The following ANKRD36C variants were observed in gnomAD, a reference collection of about 807,000 sequenced individuals.
ANKRD36C encodes the protein ankyrin repeat domain-containing protein 36C.
Under a neutral mutation model 276.4 loss-of-function variants are expected in ANKRD36C, and 61 were observed. That is an observed-to-expected ratio of 0.22 (90% confidence interval 0.18 to 0.27). ANKRD36C has a LOEUF of 0.27. Among genes scored for constraint, ANKRD36C ranks in the 10% least tolerant of loss-of-function variants. The pLI is 1.00. For synonymous variants in ANKRD36C, 483 were observed against 680.1 expected (o/e 0.71, Z 4.51); for missense variants, 1,447 against 2,032.3 (o/e 0.71, Z 5.54).
intron 34 of ANKRD36C, among the ~76,000 whole-genome samples, chr2:95,918,671 T>G (rs958498070): frequency 2.0e-5 from 3 of 151,680 alleles, no homozygotes; most frequent in Non-Finnish European, 3.0e-5. Context: ...CACTAGTTTA[T>G]CCCTCCAAAA....
intron 46 of ANKRD36C, among the ~76,000 whole-genome samples, chr2:95,890,347 A>G (rs1365306866): frequency 6.6e-6 from 1 of 151,530 alleles, no homozygotes; most frequent in Non-Finnish European, 1.5e-5. Flanking sequence ...AGCAGGTGCT[A>G]CAGGATCCCA....
chr2:95,978,493 C>G (rs1328138454), intron 5 of ANKRD36C, among the ~76,000 whole-genome samples: 1 of 152,054 alleles, frequency 6.6e-6, no homozygotes, highest in Non-Finnish European at 1.5e-5. Context: ...GGTATTTGCT[C>G]TTAAACAAGT....
chr2:95,990,119 A>C (rs1332233237), intron 1 of ANKRD36C, among the ~76,000 whole-genome samples: 1 of 152,206 alleles, frequency 6.6e-6, no homozygotes, highest in Non-Finnish European at 1.5e-5. Flanking sequence ...CAATATAAGT[A>C]GGCATTTGTG....
chr2:95,989,217 G>A (rs954873389), intron 1 of ANKRD36C, among the ~76,000 whole-genome samples: 1 of 152,002 alleles, frequency 6.6e-6, no homozygotes, highest in African/African-American at 2.4e-5. Context: ...AATAGAAACT[G>A]AGAATTATTT....
At chr2:95,849,122 T>C (rs375547957), downstream of ANKRD36C, among the ~76,000 whole-genome samples, 115 of 152,226 alleles carry the variant, frequency 7.6e-4, no homozygotes, top group South Asian at 5.6e-3. Flanking sequence ...TGCAGTGGCA[T>C]GATCTTGGCT....
chr2:95,931,110 C>T (rs1457820457), intron 24 of ANKRD36C, among the ~76,000 whole-genome samples: 3 of 151,706 alleles, frequency 2.0e-5, no homozygotes, highest in African/African-American at 4.8e-5. Flanking sequence ...ACATTAGTTT[C>T]TTCATTATTT....
In ANKRD36C at chr2:95,913,066, G is replaced by C. The variant is rs553871901; in HGVS notation, c.2552-631C>G. Among the ~76,000 whole-genome samples the C allele has an allele frequency of 1.7e-3, 254 of 149,250 alleles. 5 individuals are homozygous for C. In the East Asian group the frequency reaches 0.047, roughly 28 times the overall value. ...AAGTTTCATGTATCCACTAGTTTAG[G>C]CTTCCGAAAGTTTCTTCATCCACTC... On this transcript the variant is annotated intron_variant, in intron 40 of 66. Coordinates refer to ENST00000456556, the Ensembl canonical transcript of ANKRD36C.
intron 54 of ANKRD36C, among the ~76,000 whole-genome samples, chr2:95,882,890 A>C (rs569275608): frequency 6.6e-6 from 1 of 152,268 alleles, no homozygotes; most frequent in African/African-American, 2.4e-5. Flanking sequence ...AGACATCAGA[A>C]GGATTTATAC....
chr2:95,958,606 G>C (rs1242506248), exon 12 of ANKRD36C: 15 of 1,545,568 alleles, frequency 9.7e-6, no homozygotes, highest in African/African-American at 5.5e-5. Context: ...CCAGATTTTT[G>C]TTCATCTTTT....
At chr2:95,871,595 G>A (rs530489355) in intron 59 of ANKRD36C, among the ~76,000 whole-genome samples, 1 of 152,090 alleles carries the variant, frequency 6.6e-6, no homozygotes, top group East Asian at 1.9e-4. Flanking sequence ...AGACTAGGAA[G>A]AAACTGCATT....
intron 4 of ANKRD36C, among the ~76,000 whole-genome samples, chr2:95,982,028 A>C (rs1407269212): frequency 1.3e-5 from 2 of 152,194 alleles, no homozygotes; most frequent in East Asian, 1.9e-4. Context: ...TTATGTGTAT[A>C]ATGTCTATAT....
downstream of ANKRD36C, among the ~76,000 whole-genome samples, chr2:95,849,879 A>G (rs1398135763): frequency 6.6e-6 from 1 of 152,010 alleles, no homozygotes; most frequent in Non-Finnish European, 1.5e-5. Flanking sequence ...ATGAAGCTTC[A>G]CTCGCTTGCC....
At chr2:95,856,051 A>C in exon 63 of ANKRD36C, 1 of 1,600,348 alleles carries the variant, frequency 6.2e-7, no homozygotes, top group Non-Finnish European at 8.5e-7. Flanking sequence ...ACAATTTCAA[A>C]GTCTTTTAAG....
chr2:95,855,829 G>C lies in ANKRD36C; in HGVS notation c.4432C>G (p.His1478Asp), dbSNP rs765928920. 1.9e-6 allele frequency: 3 copies of C among 1,613,874 alleles called. No homozygotes were observed. In the Admixed American group the frequency reaches 5.0e-5, roughly 27 times the overall value. Reference sequence around the variant, plus strand: ...CTTTTTGATGAGTGACTTTGATCATGATCACATAGAGCAGCATTCAGTCTA... The same window carrying C: ...CTTTTTGATGAGTGACTTTGATCATCATCACATAGAGCAGCATTCAGTCTA... Residue 1478 changes from histidine to aspartate, a missense_variant, in exon 63 of 67, where the codon CAT becomes GAT. By Grantham distance (81) the His-to-Asp change is moderately conservative (BLOSUM62 -1). Around this residue, in one of 13 missense-constraint regions of ANKRD36C, gnomAD observed 437 missense variants for 641.0 expected, o/e 0.68. Transcript: ENST00000456556.
At chr2:95,861,113 A>C (rs538936247) in intron 60 of ANKRD36C, among the ~76,000 whole-genome samples, 1 of 152,118 alleles carries the variant, frequency 6.6e-6, no homozygotes, top group Non-Finnish European at 1.5e-5. Context: ...CCCCAAATCT[A>C]AAAGCAAGAA....
intron 32 of ANKRD36C, among the ~76,000 whole-genome samples, chr2:95,923,124 T>C (rs1469343699): frequency 6.6e-6 from 1 of 151,618 alleles, no homozygotes; most frequent in Non-Finnish European, 1.5e-5. Flanking sequence ...CACTTTTCCA[T>C]CTGTTTTTAG....
chr2:95,946,827 A>T (rs951436597), intron 17 of ANKRD36C, among the ~76,000 whole-genome samples: 3 of 151,520 alleles, frequency 2.0e-5, no homozygotes, highest in African/African-American at 7.3e-5. Context: ...CAAACACCGC[A>T]TATTCTCACT....
intron 6 of ANKRD36C, among the ~76,000 whole-genome samples, chr2:95,967,023 GAA>G (rs1293410655): frequency 6.6e-6 from 1 of 152,186 alleles, no homozygotes; most frequent in Non-Finnish European, 1.5e-5. Flanking sequence ...AGACTATGAG[GAA>G]GTTGCTTATC....
intron 6 of ANKRD36C, among the ~76,000 whole-genome samples, chr2:95,966,407 C>T (rs1179257069): frequency 6.6e-6 from 1 of 152,258 alleles, no homozygotes; most frequent in East Asian, 1.9e-4. Flanking sequence ...TTTCCCAACA[C>T]AATTTATTAA....
Sources: gnomAD v4.1 joint callset for allele counts (sites outside exome capture counted in the v4.1 genomes callset) on GRCh38, gnomAD v4.1.1 for gene constraint, gnomAD v4.1.1 regional missense constraint, MANE v1.5 for transcripts, NCBI Gene and HGNC (gene_info 2026-07-23, HGNC 2026-07-21) for gene names.